Variants in CMSS1 observed in about 807,000 individuals in gnomAD.
The protein encoded by CMSS1 is protein CMSS1.
In CMSS1, 33 loss-of-function variants were observed where a neutral mutation model predicts 43.5. That is an observed-to-expected ratio of 0.76 (90% CI 0.57 to 1.01). The LOEUF (loss-of-function observed/expected upper bound fraction) is 1.01. Among genes scored for constraint, CMSS1 ranks in the 50% least tolerant of loss-of-function variants. The pLI, the probability that CMSS1 is intolerant of heterozygous loss-of-function variation, is 0.00. For synonymous variants in CMSS1, 115 were observed against 117.2 expected (o/e 0.98, Z 0.12); for missense variants, 313 against 326.4 (o/e 0.96, Z 0.32).
At chr3:99,977,251 C>T (rs1287064914) in intron 1 of CMSS1, among the ~76,000 whole-genome samples, 1 of 152,062 alleles carries the variant, frequency 6.6e-6, no homozygotes, top group Non-Finnish European at 1.5e-5. Context: ...GAGCTGATGC[C>T]TCATCCCAGG....
intron 2 of CMSS1, among the ~76,000 whole-genome samples, chr3:100,149,845 A>G (rs1031526027): frequency 7.2e-5 from 11 of 152,100 alleles, no homozygotes; most frequent in African/African-American, 2.7e-4. Context: ...GACTCTTCCC[A>G]TCTCAGCCCT....
At chr3:99,951,404 C>T (rs142174774) in intron 1 of CMSS1, among the ~76,000 whole-genome samples, 67 of 152,234 alleles carry the variant, frequency 4.4e-4, no homozygotes, top group African/African-American at 1.4e-3. Context: ...GGATACCTTG[C>T]GCATAGTATG....
chr3:100,156,906 C>T (rs780579747), intron 2 of CMSS1, among the ~76,000 whole-genome samples: 8 of 152,156 alleles, frequency 5.3e-5, no homozygotes, highest in Non-Finnish European at 1.2e-4. Flanking sequence ...TGAGCCACCA[C>T]GCCTGGCTGT....
At chr3:99,876,165 G>C in intron 1 of CMSS1, 1 of 985,594 alleles carries the variant, frequency 1.0e-6, no homozygotes, top group Non-Finnish European at 1.2e-6. Flanking sequence ...AGAGTCGCCC[G>C]AACAATGCGA....
At chr3:100,020,760 CTT>C (rs34665880) in intron 1 of CMSS1, among the ~76,000 whole-genome samples, 406 of 70,926 alleles carry the variant, frequency 5.7e-3, no homozygotes, top group South Asian at 8.9e-3. Flanking sequence ...GAATAATTAG[CTT>C]TTTTTTTTTT....
intron 1 of CMSS1, among the ~76,000 whole-genome samples, chr3:100,119,765 A>T (rs1438766046): frequency 6.6e-6 from 1 of 152,230 alleles, no homozygotes; most frequent in Non-Finnish European, 1.5e-5. Context: ...AGGGTTGTAA[A>T]CTTTTGTCCT....
intron 1 of CMSS1, among the ~76,000 whole-genome samples, chr3:99,983,276 G>A (rs1171567335): frequency 6.6e-6 from 1 of 150,790 alleles, no homozygotes; most frequent in Non-Finnish European, 1.5e-5. Flanking sequence ...ACTCATGCCT[G>A]TAATCCTAAC....
intron 1 of CMSS1, among the ~76,000 whole-genome samples, chr3:99,947,645 G>A (rs1708050756): frequency 6.6e-6 from 1 of 152,090 alleles, no homozygotes; most frequent in Non-Finnish European, 1.5e-5. Flanking sequence ...GGATTTAATC[G>A]CAACTCATAA....
At chr3:100,125,698 G>T (rs913110502) in intron 1 of CMSS1, among the ~76,000 whole-genome samples, 1 of 152,146 alleles carries the variant, frequency 6.6e-6, no homozygotes, top group Non-Finnish European at 1.5e-5. Flanking sequence ...GAGTCAGGTG[G>T]CCCCAGACTC....
intron 1 of CMSS1, among the ~76,000 whole-genome samples, chr3:100,077,227 C>T (rs2065863985): frequency 6.6e-6 from 1 of 152,190 alleles, no homozygotes. Flanking sequence ...AATGGGAACA[C>T]ACCATCATGC....
At chr3:99,837,464 T>C (rs1942949546) in intron 1 of CMSS1, among the ~76,000 whole-genome samples, 1 of 151,982 alleles carries the variant, frequency 6.6e-6, no homozygotes, top group Non-Finnish European at 1.5e-5. Context: ...GCCAAACCAC[T>C]AATTGTAAAG....
intron 1 of CMSS1, among the ~76,000 whole-genome samples, chr3:100,061,394 T>G (rs1417382925): frequency 6.6e-6 from 1 of 152,162 alleles, no homozygotes; most frequent in Non-Finnish European, 1.5e-5. Context: ...GATTAAAACT[T>G]AAATGTTTGG....
intron 1 of CMSS1, among the ~76,000 whole-genome samples, chr3:100,052,375 A>G (rs1009337098): frequency 1.3e-4 from 20 of 152,334 alleles, no homozygotes; most frequent in Admixed American, 6.5e-4. Context: ...TCCAGGGGGA[A>G]CTTTTGTTCC....
chr3:99,888,245 AC>A (rs1469869412), intron 1 of CMSS1, among the ~76,000 whole-genome samples: 2 of 152,104 alleles, frequency 1.3e-5, no homozygotes, highest in African/African-American at 2.4e-5. Context: ...TATGTTGTGC[AC>A]CTGTTGCTAC....
At chr3:99,941,907 A>G (rs1186522221) in intron 1 of CMSS1, among the ~76,000 whole-genome samples, 1 of 152,210 alleles carries the variant, frequency 6.6e-6, no homozygotes, top group African/African-American at 2.4e-5. Context: ...TGTTGCCTTG[A>G]TAGCAGCTGG....
chr3:99,869,153 CT>C (rs1358685747), intron 1 of CMSS1, among the ~76,000 whole-genome samples: 2 of 152,154 alleles, frequency 1.3e-5, no homozygotes, highest in South Asian at 2.1e-4. Flanking sequence ...GTTCTTGTCA[CT>C]TCTGGAAGGA....
intron 1 of CMSS1, among the ~76,000 whole-genome samples, chr3:99,879,911 C>T (rs1576543290): frequency 1.3e-5 from 2 of 152,156 alleles, no homozygotes; most frequent in South Asian, 4.1e-4. Context: ...CATGGTCCTG[C>T]ATTGCTTCAG....
chr3:100,118,315 A>G (rs2066592967), intron 1 of CMSS1, among the ~76,000 whole-genome samples: 2 of 152,012 alleles, frequency 1.3e-5, no homozygotes, highest in African/African-American at 4.8e-5. Context: ...TACACGGCTT[A>G]TATTATATCT....
intron 1 of CMSS1, among the ~76,000 whole-genome samples, chr3:99,975,285 G>A (rs1014401516): frequency 2.6e-5 from 4 of 152,170 alleles, no homozygotes; most frequent in Admixed American, 2.6e-4. Context: ...AGGAACTGTT[G>A]TAAGTGCTGT....
Sources: gnomAD v4.1 joint callset for allele counts (sites outside exome capture counted in the v4.1 genomes callset) on GRCh38, gnomAD v4.1.1 for gene constraint, MANE v1.5 for transcripts, NCBI Gene and HGNC (gene_info 2026-07-23, HGNC 2026-07-21) for gene names.